CFDP1: variants seen among roughly 807,000 people sequenced by gnomAD.
CFDP1 encodes the protein heterochromatin-stabilizing protein CFDP1.
In CFDP1, 31 loss-of-function variants were observed where a neutral mutation model predicts 40.1. The ratio of observed to expected loss-of-function variants is 0.77; its 90% CI spans 0.58 to 1.04. The LOEUF (loss-of-function observed/expected upper bound fraction) is 1.04, where lower values mean the gene tolerates loss of function less well. CFDP1 is among the 50% of genes least tolerant of loss of function. The pLI is 0.00. For missense variants in CFDP1, 423 were observed against 343.4 expected (o/e 1.23, Z -1.83); for synonymous variants, 167 against 120.0 (o/e 1.39, Z -2.56).
chr16:75,375,554 G>C (rs2078785612), intron 5 of CFDP1, among the ~76,000 whole-genome samples: 1 of 152,128 alleles, frequency 6.6e-6, no homozygotes, highest in African/African-American at 2.4e-5. Flanking sequence ...CACTTTGGGA[G>C]GCCGAGGCGG....
At chr16:75,320,513 CCT>C (rs1160345051) in intron 5 of CFDP1, among the ~76,000 whole-genome samples, 1 of 152,092 alleles carries the variant, frequency 6.6e-6, no homozygotes, top group Non-Finnish European at 1.5e-5. Flanking sequence ...TTGATTTTTC[CCT>C]GTGTATTAGC....
chr16:75,425,513 C>G (rs1389582357), intron 1 of CFDP1, among the ~76,000 whole-genome samples: 1 of 150,784 alleles, frequency 6.6e-6, no homozygotes, highest in Non-Finnish European at 1.5e-5. Flanking sequence ...AAATCAAAAA[C>G]AGTAAATGAA....
chr16:75,373,122 C>T (rs1567660724), intron 5 of CFDP1, among the ~76,000 whole-genome samples: 1 of 152,220 alleles, frequency 6.6e-6, no homozygotes, highest in Non-Finnish European at 1.5e-5. Flanking sequence ...CATCTGTCTA[C>T]TTTCCCTCCT....
intron 5 of CFDP1, among the ~76,000 whole-genome samples, chr16:75,338,517 T>C (rs1374199533): frequency 1.3e-5 from 2 of 152,170 alleles, no homozygotes; most frequent in Non-Finnish European, 2.9e-5. Flanking sequence ...CTGCAATGGA[T>C]ATCAGAGCAC....
rs191656256 is a variant in CFDP1 at position 75,317,380 on chromosome 16, C to T, written c.651-12198G>A. Among the ~76,000 whole-genome samples, 15 of 152,336 alleles carry T rather than the reference C, an allele frequency of 9.8e-5. No individual in the cohort carries two copies. The East Asian group carries it at 2.9e-3, about 29-fold the overall frequency. On this transcript the variant is annotated intron_variant, in intron 5 of 6. Coordinates refer to ENST00000283882, the MANE Select transcript of CFDP1 (RefSeq NM_006324.3). ...TAGCAATTTCCTTCTTTGAACCACTCCCATGGTGGGGGAGTCCTGGCAAAG... is the reference window on the plus strand; with the variant it reads ...TAGCAATTTCCTTCTTTGAACCACTTCCATGGTGGGGGAGTCCTGGCAAAG...
intron 5 of CFDP1, among the ~76,000 whole-genome samples, chr16:75,328,015 C>A (rs1024081591): frequency 6.6e-6 from 1 of 152,018 alleles, no homozygotes; most frequent in African/African-American, 2.4e-5. Context: ...CAGGCGTATG[C>A]CACAGCACCC....
At chr16:75,424,878 T>A (rs1158841337) in intron 1 of CFDP1, among the ~76,000 whole-genome samples, 1 of 150,822 alleles carries the variant, frequency 6.6e-6, no homozygotes, top group African/African-American at 2.4e-5. Flanking sequence ...AAGGTAAACA[T>A]ATTGGAAAGG....
At chr16:75,334,543 G>C (rs753080230) in intron 5 of CFDP1, among the ~76,000 whole-genome samples, 3 of 151,540 alleles carry the variant, frequency 2.0e-5, no homozygotes, top group Non-Finnish European at 2.9e-5. Flanking sequence ...ATAAAGGAGG[G>C]AGGAAGAGAG....
In CFDP1 at chr16:75,395,856, T is replaced by C. The variant is rs370346890; in HGVS notation, c.531-647A>G. Reference sequence around the variant, plus strand: ...TTGTCTAATTTCAAATCTGAAACAATTATCTTCACTAAAACTGAGTCCTAA... The same window carrying C: ...TTGTCTAATTTCAAATCTGAAACAACTATCTTCACTAAAACTGAGTCCTAA... On this transcript the variant is annotated intron_variant, in intron 4 of 6. Transcript: ENST00000283882. Among the ~76,000 whole-genome samples, 4 of 151,490 alleles carry C rather than the reference T, an allele frequency of 2.6e-5. No individual in the cohort carries two copies. The East Asian group carries it at 5.8e-4, about 22-fold the overall frequency.
intron 6 of CFDP1, among the ~76,000 whole-genome samples, chr16:75,303,400 A>ATGAATGTATGTATGT (rs1555552218): frequency 1.4e-5 from 2 of 146,168 alleles, no homozygotes; most frequent in East Asian, 2.0e-4. Flanking sequence ...TAAATAAATA[A>ATGAATGTATGTATGT]ATGTATGTAT....
chr16:75,371,242 G>T (rs1349391088), intron 5 of CFDP1, among the ~76,000 whole-genome samples: 1 of 152,122 alleles, frequency 6.6e-6, no homozygotes, highest in South Asian at 2.1e-4. Context: ...CCTTGCCCAG[G>T]TTATACAACC....
In CFDP1 at chr16:75,319,868, G is replaced by A. The variant is rs554219144; in HGVS notation, c.651-14686C>T. Among the ~76,000 whole-genome samples, 8 of 152,304 alleles carry A rather than the reference G, an allele frequency of 5.3e-5. No individual in the cohort carries two copies. In the South Asian group the frequency reaches 1.7e-3, roughly 32 times the overall value. On this transcript the variant is annotated intron_variant, in intron 5 of 6. Transcript: ENST00000283882. ...TGAGCCCTAAGTGTCACTTTGCTAA[G>A]GCAATACAATGGATTTCAACAAAGA...
intron 4 of CFDP1, among the ~76,000 whole-genome samples, chr16:75,395,793 T>C (rs903946408): frequency 6.6e-6 from 1 of 152,138 alleles, no homozygotes; most frequent in East Asian, 1.9e-4. Flanking sequence ...AAATTAGCAA[T>C]AATTTGGGAA....
chr16:75,364,992 G>C (rs560808006), intron 5 of CFDP1, among the ~76,000 whole-genome samples: 1 of 152,270 alleles, frequency 6.6e-6, no homozygotes, highest in African/African-American at 2.4e-5. Context: ...GTGCTGAGAA[G>C]GAAACCAAGT....
intron 5 of CFDP1, among the ~76,000 whole-genome samples, chr16:75,324,208 G>C (rs1162428480): frequency 2.0e-5 from 3 of 152,124 alleles, no homozygotes; most frequent in Non-Finnish European, 4.4e-5. Flanking sequence ...TCTGAGATGG[G>C]GAAAGCTATA....
intron 1 of CFDP1, among the ~76,000 whole-genome samples, chr16:75,428,102 T>G (rs1446609140): frequency 6.6e-6 from 1 of 151,950 alleles, no homozygotes; most frequent in African/African-American, 2.4e-5. Flanking sequence ...GGAGAGTTGT[T>G]TGACTACAAA....
At chr16:75,411,298 G>A (rs1029543533) in intron 4 of CFDP1, among the ~76,000 whole-genome samples, 1 of 151,866 alleles carries the variant, frequency 6.6e-6, no homozygotes, top group African/African-American at 2.4e-5. Context: ...CCAGCTACTC[G>A]GGAGGCTGAA....
chr16:75,379,358 G>C (rs1166356791), intron 5 of CFDP1, among the ~76,000 whole-genome samples: 1 of 150,880 alleles, frequency 6.6e-6, no homozygotes, highest in Non-Finnish European at 1.5e-5. Flanking sequence ...GAGAGAGAGA[G>C]AAGGCACAAA....
intron 5 of CFDP1, among the ~76,000 whole-genome samples, chr16:75,360,327 C>G (rs765052065): frequency 3.9e-5 from 6 of 152,312 alleles, no homozygotes; most frequent in Non-Finnish European, 8.8e-5. Context: ...AGTAAGAATA[C>G]TTTTCAGACT....
Sources: gnomAD v4.1 joint callset for allele counts (sites outside exome capture counted in the v4.1 genomes callset) on GRCh38, gnomAD v4.1.1 for gene constraint, MANE v1.5 for transcripts, NCBI Gene and HGNC (gene_info 2026-07-23, HGNC 2026-07-21) for gene names.